RNF144A: variants seen among roughly 807,000 people sequenced by gnomAD.
RNF144A encodes the protein E3 ubiquitin-protein ligase RNF144A.
RNF144A carries 11 observed loss-of-function variants against 38.7 expected under a neutral mutation model. The observed-to-expected ratio is 0.28, with a 90% CI of 0.18 to 0.47. RNF144A has a LOEUF of 0.47. RNF144A is among the 20% of genes least tolerant of loss of function. The pLI, the probability that RNF144A is intolerant of heterozygous loss-of-function variation, is 0.99. For missense variants in RNF144A, 316 were observed against 377.2 expected (o/e 0.84, Z 1.34); for synonymous variants, 149 against 143.9 (o/e 1.04, Z -0.25).
intron 2 of RNF144A, among the ~76,000 whole-genome samples, chr2:6,972,339 C>T (rs1668047004): frequency 6.6e-6 from 1 of 152,216 alleles, no homozygotes; most frequent in Admixed American, 6.5e-5. Flanking sequence ...AACTTTCCTC[C>T]TAGCTACAAA....
At chr2:6,956,158 A>G (rs1572262640) in intron 2 of RNF144A, among the ~76,000 whole-genome samples, 1 of 151,600 alleles carries the variant, frequency 6.6e-6, no homozygotes, top group Admixed American at 6.6e-5. Context: ...ATGTTAAGGG[A>G]GTTGTCTGAT....
Position 6,941,601 on chromosome 2 carries a change from A to G in RNF144A, c.-12+454A>G, listed in dbSNP as rs957291205. On this transcript the variant is annotated intron_variant, in intron 2 of 8. Transcript: ENST00000320892. This position sits in a 1 kb window ranked among gnomAD's most constrained non-coding sequence, Gnocchi z 6.5. ...AGGGACAGTCAGGAAGAGACAGACA[A>G]TTCTCATTTGACAGTAGCCGGAAGC... Among the ~76,000 whole-genome samples, 1 of 152,246 alleles carries G rather than the reference A, an allele frequency of 6.6e-6. No individual in the cohort carries two copies. Among genetic ancestry groups the G allele is most frequent in the African/African-American group, 2.4e-5 (1 of 41,470 alleles).
At chr2:7,025,371 C>T (rs1572428883) in intron 7 of RNF144A, among the ~76,000 whole-genome samples, 1 of 152,158 alleles carries the variant, frequency 6.6e-6, no homozygotes, top group South Asian at 2.1e-4. Context: ...TTGATGCATA[C>T]TTTTTTAAGA....
intron 6 of RNF144A, among the ~76,000 whole-genome samples, chr2:7,049,801 C>G (rs773450129): frequency 7.9e-5 from 12 of 152,098 alleles, no homozygotes; most frequent in Non-Finnish European, 1.5e-4. Flanking sequence ...AAAGTTCCAA[C>G]AAAGTGAGCT....
Position 6,992,231 on chromosome 2 carries a change from G to C in RNF144A, c.-11-4685G>C, listed in dbSNP as rs535477918. Among the ~76,000 whole-genome samples the C allele has an allele frequency of 6.8e-4, 104 of 152,336 alleles. 1 individual carries two copies. Among genetic ancestry groups the C allele is most frequent in the African/African-American group, 2.4e-3 (100 of 41,576 alleles). On this transcript the variant is annotated intron_variant, in intron 2 of 8. Transcript: ENST00000320892. Reference sequence around the variant, plus strand: ...CATTGTGCATCACAGTCCCTGCCAGGCTCACGGAAACAGATCACTGTGCCG... The same window carrying C: ...CATTGTGCATCACAGTCCCTGCCAGCCTCACGGAAACAGATCACTGTGCCG...
chr2:7,002,708 G>A (rs922688982), intron 3 of RNF144A, among the ~76,000 whole-genome samples: 1 of 152,140 alleles, frequency 6.6e-6, no homozygotes, highest in East Asian at 1.9e-4. Context: ...AATGCATTCT[G>A]CCTAGTATTT....
chr2:6,927,334 T>C (rs909797858), intron 1 of RNF144A, among the ~76,000 whole-genome samples: 1 of 152,234 alleles, frequency 6.6e-6, no homozygotes, highest in African/African-American at 2.4e-5. Flanking sequence ...TAATCACTCC[T>C]GGGACTCTCT....
chr2:6,992,488 G>GT (rs1669460152), intron 2 of RNF144A, among the ~76,000 whole-genome samples: 2 of 152,216 alleles, frequency 1.3e-5, no homozygotes, highest in Admixed American at 1.3e-4. Flanking sequence ...TGAAGGGTTT[G>GT]TAGGGTGTGG....
At chr2:7,064,342 A>G (rs1490889677) in intron 6 of RNF144A, among the ~76,000 whole-genome samples, 1 of 152,172 alleles carries the variant, frequency 6.6e-6, no homozygotes, top group Non-Finnish European at 1.5e-5. Context: ...AAGCACTACC[A>G]AAGAGGAAAA....
At chr2:7,055,854 G>A (rs1188302795) in intron 6 of RNF144A, among the ~76,000 whole-genome samples, 1 of 152,114 alleles carries the variant, frequency 6.6e-6, no homozygotes, top group Admixed American at 6.5e-5. Context: ...CAGGTCTCTA[G>A]GACTTTCCTC....
intron 5 of RNF144A, among the ~76,000 whole-genome samples, chr2:7,015,455 CCTT>C (rs1671074080): frequency 2.0e-5 from 3 of 152,330 alleles, no homozygotes; most frequent in South Asian, 4.1e-4. Context: ...CCTGAATAGT[CCTT>C]CTGGCTGGAG....
chr2:7,008,654 C>T (rs1670606353), intron 3 of RNF144A, among the ~76,000 whole-genome samples: 1 of 152,218 alleles, frequency 6.6e-6, no homozygotes, highest in Non-Finnish European at 1.5e-5. Context: ...TCTGGTGGAG[C>T]CTGCTTCCCT....
At chr2:6,918,653 A>ACTCGGGAGGCTGAGGCAGGAG (rs1233795913) in intron 1 of RNF144A, 2 of 148,040 alleles carry the variant, frequency 1.4e-5, no homozygotes, top group Non-Finnish European at 3.0e-5. Flanking sequence ...AGTCCCAGCT[A>ACTCGGGAGGCTGAGGCAGGAG]CTCGGGAGGC....
intron 8 of RNF144A, among the ~76,000 whole-genome samples, chr2:7,036,537 T>C (rs1389562038): frequency 2.6e-5 from 4 of 152,200 alleles, no homozygotes; most frequent in African/African-American, 7.2e-5. Context: ...ATCAGTGAAA[T>C]AGGCACGATC....
intron 2 of RNF144A, among the ~76,000 whole-genome samples, chr2:6,982,714 T>G (rs1202970142): frequency 2.0e-5 from 3 of 152,184 alleles, no homozygotes; most frequent in Non-Finnish European, 4.4e-5. Context: ...ATTGAGAAAG[T>G]GGCAACTTCA....
At chr2:6,985,110 C>G (rs1018407221) in intron 2 of RNF144A, among the ~76,000 whole-genome samples, 4 of 152,180 alleles carry the variant, frequency 2.6e-5, no homozygotes, top group African/African-American at 9.7e-5. Context: ...AACAGGAAAT[C>G]TTCTCTATGT....
intron 2 of RNF144A, among the ~76,000 whole-genome samples, chr2:6,968,127 G>T (rs1667786080): frequency 6.6e-6 from 1 of 152,168 alleles, no homozygotes; most frequent in Admixed American, 6.5e-5. Context: ...TCCCAGAATG[G>T]TATCACGTAA....
intron 3 of RNF144A, among the ~76,000 whole-genome samples, chr2:7,011,493 TTGA>T: frequency 6.6e-6 from 1 of 152,346 alleles, no homozygotes; most frequent in East Asian, 1.9e-4. Context: ...TGAGCTGTTG[TTGA>T]TGTCTCTGAG....
rs1243844384 is a variant in RNF144A at position 6,962,511 on chromosome 2, C to T, written c.-12+21364C>T. Among the ~76,000 whole-genome samples the T allele has an allele frequency of 6.6e-6, 1 of 152,166 alleles. No homozygotes were observed. Among genetic ancestry groups the T allele is most frequent in the Non-Finnish European group, 1.5e-5 (1 of 68,030 alleles). Reference sequence around the variant, plus strand: ...GTTAGAAGGGAAGCTCTGCCGAGGACTCTTTTTGATCTCATAATTTCTTTC... The same window carrying T: ...GTTAGAAGGGAAGCTCTGCCGAGGATTCTTTTTGATCTCATAATTTCTTTC... On this transcript the variant is annotated intron_variant, in intron 2 of 8. Coordinates refer to ENST00000320892, the MANE Select transcript of RNF144A (RefSeq NM_014746.6). This position sits in a 1 kb window ranked among gnomAD's most constrained non-coding sequence, Gnocchi z 4.1.
Sources: allele counts gnomAD v4.1 joint callset (sites outside exome capture counted in the v4.1 genomes callset), GRCh38; gene constraint gnomAD v4.1.1; non-coding constraint Gnocchi (gnomAD v3.1); transcripts MANE v1.5; gene names NCBI Gene and HGNC (gene_info 2026-07-23, HGNC 2026-07-21).